ZBTB20: variants seen among roughly 807,000 people sequenced by gnomAD.
ZBTB20 encodes zinc finger and BTB domain containing 20, also known as zinc finger and BTB domain-containing protein 20.
ZBTB20 carries 9 observed loss-of-function variants against 56.9 expected under a neutral mutation model. The observed-to-expected ratio is 0.16, with a 90% CI of 0.10 to 0.28. The LOEUF (loss-of-function observed/expected upper bound fraction) is 0.28. ZBTB20 is among the 10% of genes least tolerant of loss of function. The probability of loss-of-function intolerance (pLI) is 1.00; values close to 1 mark genes in which losing one functional copy is unlikely to be tolerated. For missense variants in ZBTB20, 655 were observed against 1,003.0 expected, an observed-to-expected ratio of 0.65 and a Z score of 4.69; for synonymous variants, 417 against 420.7, an observed-to-expected ratio of 0.99 and a Z score of 0.11.
intron 2 of ZBTB20, among the ~76,000 whole-genome samples, chr3:115,025,063 A>ATTT (rs2080365104): frequency 2.0e-5 from 3 of 151,212 alleles, no homozygotes; most frequent in African/African-American, 7.3e-5. Context: ...CCAAGTATCC[A>ATTT]TTAGTTATTT....
intron 4 of ZBTB20, among the ~76,000 whole-genome samples, chr3:114,855,122 A>C (rs1469895168): frequency 5.3e-5 from 8 of 152,230 alleles, no homozygotes; most frequent in African/African-American, 7.2e-5. Flanking sequence ...GTGTGTTATA[A>C]GTATGTAAAT....
At chr3:114,994,123 T>A (rs2078930915) in intron 2 of ZBTB20, among the ~76,000 whole-genome samples, 1 of 151,848 alleles carries the variant, frequency 6.6e-6, no homozygotes, top group African/African-American at 2.4e-5. Context: ...AAAGAGAATG[T>A]ATCTCAAACA....
intron 1 of ZBTB20, among the ~76,000 whole-genome samples, chr3:115,115,351 C>T (rs2083989445): frequency 6.6e-6 from 1 of 152,028 alleles, no homozygotes; most frequent in Admixed American, 6.6e-5. Flanking sequence ...CAAGAACACA[C>T]TGTTTTACTG....
At chr3:115,022,698 T>A (rs1291780000) in intron 2 of ZBTB20, among the ~76,000 whole-genome samples, 1 of 150,948 alleles carries the variant, frequency 6.6e-6, no homozygotes, top group African/African-American at 2.4e-5. Context: ...TAACTATCTG[T>A]TTTCAGTCAC....
chr3:114,551,983 G>T (rs1259161863), intron 6 of ZBTB20, among the ~76,000 whole-genome samples: 2 of 152,212 alleles, frequency 1.3e-5, no homozygotes, highest in Admixed American at 1.3e-4. Flanking sequence ...GCCCATGTGG[G>T]GGGATCACTT....
chr3:114,986,170 G>A (rs2078531950), intron 2 of ZBTB20, among the ~76,000 whole-genome samples: 1 of 151,942 alleles, frequency 6.6e-6, no homozygotes, highest in Admixed American at 6.6e-5. Context: ...GTGTATGGGG[G>A]GGTTGGAAAA....
intron 6 of ZBTB20, chr3:114,582,209 T>A (rs2054703915): frequency 6.6e-6 from 1 of 152,158 alleles, no homozygotes; most frequent in African/African-American, 2.4e-5. Flanking sequence ...GGTTGGGTGT[T>A]GTCACATGTA....
chr3:114,862,399 G>T (rs2075575269), intron 4 of ZBTB20, among the ~76,000 whole-genome samples: 1 of 134,146 alleles, frequency 7.5e-6, no homozygotes, highest in South Asian at 2.3e-4. Flanking sequence ...ACCTAAAATG[G>T]CATCTGTTTT....
At chr3:114,433,864 A>G (rs1401496912) in intron 7 of ZBTB20, among the ~76,000 whole-genome samples, 5 of 152,198 alleles carry the variant, frequency 3.3e-5, no homozygotes, top group Non-Finnish European at 7.3e-5. Flanking sequence ...ATGCACAGAA[A>G]GGAAGGATCT....
At chr3:114,977,039 T>C (rs569292422) in intron 2 of ZBTB20, among the ~76,000 whole-genome samples, 3 of 152,062 alleles carry the variant, frequency 2.0e-5, no homozygotes, top group Non-Finnish European at 4.4e-5. Context: ...GGGGAAAATA[T>C]ATTAAATGGC....
rs7623581 is a variant in ZBTB20 at position 115,017,243 on chromosome 3, A to G, written c.-506-42827T>C. On this transcript the variant is annotated intron_variant, in intron 2 of 11. Transcript: ENST00000675478. Reference sequence around the variant, plus strand: ...CGTTCCTATACACCAACAACAGGCAAGCAGAAAGCCAAATCATGAATGAAC... The same window carrying G: ...CGTTCCTATACACCAACAACAGGCAGGCAGAAAGCCAAATCATGAATGAAC... Among the ~76,000 whole-genome samples the G allele has an allele frequency of 3.8e-3, 574 of 151,722 alleles. 3 individuals carry two copies. Among genetic ancestry groups the G allele is most frequent in the African/African-American group, 0.013 (534 of 41,452 alleles).
At chr3:114,419,371 G>A (rs1233182914) in intron 7 of ZBTB20, among the ~76,000 whole-genome samples, 1 of 152,110 alleles carries the variant, frequency 6.6e-6, no homozygotes, top group Non-Finnish European at 1.5e-5. Context: ...AAGAGGGCAA[G>A]CAAAATGGGT....
At chr3:114,495,797 T>C (rs2043223103) in intron 7 of ZBTB20, among the ~76,000 whole-genome samples, 1 of 152,154 alleles carries the variant, frequency 6.6e-6, no homozygotes, top group Non-Finnish European at 1.5e-5. Context: ...ATTTTAAAGA[T>C]CACAAAATTT....
chr3:115,020,212 G>C (rs2080147447), intron 2 of ZBTB20, among the ~76,000 whole-genome samples: 1 of 151,084 alleles, frequency 6.6e-6, no homozygotes, highest in African/African-American at 2.4e-5. Context: ...ACAGGCTTTA[G>C]TGTTTTATTG....
In ZBTB20 at chr3:114,316,420, A is replaced by T. The variant is rs1310463224; in HGVS notation, c.*22585T>A. The stretch of plus-strand genomic sequence containing the variant: ...TGTAGCATCTGGTTTTGTAATGAGC[A>T]TCTGGATTTGTAATGAGCATCTGAT... On this transcript the variant is annotated 3_prime_UTR_variant, in exon 12 of 12. Transcript: ENST00000675478. 4.3e-6 allele frequency: 2 copies of T among 463,646 alleles called. No homozygotes were observed. Among genetic ancestry groups the T allele is most frequent in the East Asian group, 1.4e-4 (2 of 13,802 alleles). 28.7% of individuals were successfully genotyped at this position (463,646 alleles called of 1,614,324 possible). A position where few individuals can be genotyped will look rare whatever the true frequency, so the allele number is the denominator to read the frequency against.
At chr3:114,605,267 T>C (rs1408542768) in intron 6 of ZBTB20, among the ~76,000 whole-genome samples, 1 of 152,202 alleles carries the variant, frequency 6.6e-6, no homozygotes, top group Admixed American at 6.5e-5. Context: ...CTTTCTCATG[T>C]TTGTATTGAG....
At position 114,324,573 on chromosome 3, in the gene ZBTB20, G is replaced by GATC. The variant is rs961489441; in HGVS notation, c.*14429_*14431dup. On this transcript the variant is annotated 3_prime_UTR_variant, in exon 12 of 12. Transcript: ENST00000675478. ...AAATTCTCAAGGCCCCTCTCAGAAT[G>GATC]ATCAATTGAAAATTGGTACAAATAG... 6.6e-6 allele frequency: 1 copy of GATC among 151,748 alleles called. No homozygotes were observed. Among genetic ancestry groups the GATC allele is most frequent in the African/African-American group, 2.4e-5 (1 of 41,304 alleles). 9.4% of individuals were successfully genotyped at this position (151,748 alleles called of 1,614,324 possible).
chr3:114,858,275 T>G (rs867779048), intron 4 of ZBTB20, among the ~76,000 whole-genome samples: 1 of 152,162 alleles, frequency 6.6e-6, no homozygotes, highest in Non-Finnish European at 1.5e-5. Context: ...CAGACATGGC[T>G]TTTAGGCAGA....
intron 5 of ZBTB20, among the ~76,000 whole-genome samples, chr3:114,717,010 C>G (rs1299795731): frequency 1.3e-5 from 2 of 152,048 alleles, no homozygotes; most frequent in South Asian, 2.1e-4. Flanking sequence ...GTATGTAGAG[C>G]AGAACATGGT....
Sources: gnomAD v4.1 joint callset for allele counts (sites outside exome capture counted in the v4.1 genomes callset) on GRCh38, gnomAD v4.1.1 for gene constraint, MANE v1.5 for transcripts, NCBI Gene and HGNC (gene_info 2026-07-23, HGNC 2026-07-21) for gene names.